PFKP: variants seen among roughly 807,000 people sequenced by gnomAD.
The protein encoded by PFKP is phosphofructokinase, platelet.
PFKP carries 101 observed loss-of-function variants against 94.3 expected under a neutral mutation model. The observed-to-expected ratio is 1.07, with a 90% CI of 0.91 to 1.26. PFKP has a LOEUF of 1.26. Ranked by LOEUF, PFKP falls within the 50% of genes most tolerant of loss-of-function variation. The probability of loss-of-function intolerance (pLI) is 0.00; values close to 1 mark genes in which losing one functional copy is unlikely to be tolerated. For synonymous variants in PFKP, 573 were observed against 432.6 expected, an observed-to-expected ratio of 1.32 and a Z score of -4.03; for missense variants, 1,145 against 1,103.3, an observed-to-expected ratio of 1.04 and a Z score of -0.53.
intron 2 of PFKP, among the ~76,000 whole-genome samples, chr10:3,098,986 C>T (rs973152005): frequency 2.6e-5 from 4 of 152,130 alleles, no homozygotes; most frequent in South Asian, 2.1e-4. Flanking sequence ...TAGCGAAACA[C>T]GACCCTTTCA....
intron 2 of PFKP, 148 bp downstream of exon 2, chr10:3,082,609 TC>T (rs1833176170): frequency 2.1e-6 from 1 of 487,214 alleles, no homozygotes; most frequent in East Asian, 3.3e-5. Context: ...CCAGGGCCGT[TC>T]CTCAGCCCAC....
At position 3,072,085 on chromosome 10, in the gene PFKP, C is replaced by T. The variant is rs543892413; in HGVS notation, c.112+4378C>T. ...GAATGCAAGTGTTTGCTGCCTGCCT[C>T]CTGCCTGGAATCTCCACTGAGGAGC... On this transcript the variant is annotated intron_variant, in intron 1 of 21. Coordinates refer to ENST00000381125, the MANE Select transcript of PFKP (RefSeq NM_002627.5). 2.0e-5 allele frequency among the ~76,000 whole-genome samples: 3 copies of T among 152,344 alleles called. No homozygotes were observed. In the East Asian group the frequency reaches 5.8e-4, roughly 29 times the overall value.
chr10:3,116,712 T>C, intron 13 of PFKP, 64 bp from the exon 14 acceptor site: 3 of 1,221,488 alleles, frequency 2.5e-6, no homozygotes, highest in Non-Finnish European at 3.7e-6. Context: ...AAGCTATTTT[T>C]AGCACTTTGC....
intron 5 of PFKP, among the ~76,000 whole-genome samples, chr10:3,104,489 C>T (rs1039441874): frequency 3.3e-5 from 5 of 152,316 alleles, no homozygotes; most frequent in South Asian, 2.1e-4. Context: ...ACGAGGTGCT[C>T]GAGACTGGGA....
At chr10:3,081,529 C>T (rs61835117) in intron 1 of PFKP, among the ~76,000 whole-genome samples, 34,689 of 152,180 alleles carry the variant, frequency 0.23, 4,390 homozygotes, top group East Asian at 0.35. Flanking sequence ...CCTTAAGCAG[C>T]AGCGCTGCAT....
chr10:3,096,531 C>T (rs542487797), intron 2 of PFKP, among the ~76,000 whole-genome samples: 3 of 152,252 alleles, frequency 2.0e-5, no homozygotes, highest in Admixed American at 1.3e-4. Context: ...GCAGTTCAGG[C>T]CCCATCATGG....
intron 1 of PFKP, among the ~76,000 whole-genome samples, chr10:3,076,201 A>T (rs1469107299): frequency 6.6e-6 from 1 of 152,144 alleles, no homozygotes; most frequent in Non-Finnish European, 1.5e-5. Context: ...TGTGGACGGG[A>T]CGCACGTGGC....
intron 16 of PFKP, chr10:3,125,179 C>T (rs539611230): frequency 9.6e-6 from 13 of 1,349,384 alleles, no homozygotes; most frequent in South Asian, 4.8e-5. Flanking sequence ...GTGCCGGCCA[C>T]GATTAGCAAC....
chr10:3,135,914 T>C, intron 21 of PFKP, 76 bp downstream of exon 21: 1 of 847,534 alleles, frequency 1.2e-6, no homozygotes, highest in Non-Finnish European at 2.0e-6. Context: ...TTGCTGTTGC[T>C]GTCGGCAACT....
At chr10:3,101,038 T>C in intron 3 of PFKP, 1 of 1,524,742 alleles carries the variant, frequency 6.6e-7, no homozygotes, top group Non-Finnish European at 9.1e-7. Context: ...TGCACCTGGT[T>C]GAGCTCGTTG....
At chr10:3,136,390 G>C (rs1839348183) in intron 21 of PFKP, 60 bp from the exon 22 acceptor site, 1 of 1,589,682 alleles carries the variant, frequency 6.3e-7, no homozygotes, top group Non-Finnish European at 8.6e-7. Context: ...TGCTGGCCAG[G>C]CGGAGGCATC....
At chr10:3,111,994 C>T (rs894441512) in intron 10 of PFKP, among the ~76,000 whole-genome samples, 1 of 152,206 alleles carries the variant, frequency 6.6e-6, no homozygotes, top group Non-Finnish European at 1.5e-5. Flanking sequence ...CTGAGCTAAG[C>T]AGTCCCAGGG....
chr10:3,128,423 G>A (rs558368482), intron 16 of PFKP, among the ~76,000 whole-genome samples: 1 of 152,210 alleles, frequency 6.6e-6, no homozygotes, highest in African/African-American at 2.4e-5. Context: ...ATTTTCCTCT[G>A]GATCAGAGCT....
intron 2 of PFKP, among the ~76,000 whole-genome samples, chr10:3,093,193 T>TA (rs1834193542): frequency 6.7e-6 from 1 of 148,456 alleles, no homozygotes; most frequent in Admixed American, 6.7e-5. Context: ...TGTGTCTGAT[T>TA]TTTTTTTTTT....
intron 10 of PFKP, among the ~76,000 whole-genome samples, chr10:3,110,418 G>A (rs941101103): frequency 2.9e-4 from 37 of 129,528 alleles, no homozygotes; most frequent in African/African-American, 9.1e-4. Flanking sequence ...GGGTTTCACC[G>A]TGTTAGCCAG....
chr10:3,086,031 A>G (rs1833564792), intron 2 of PFKP, among the ~76,000 whole-genome samples: 3 of 151,890 alleles, frequency 2.0e-5, no homozygotes, highest in Non-Finnish European at 4.4e-5. Context: ...ACTTTGGGAG[A>G]CAGTACCACA....
chr10:3,093,328 CTA>C (rs1241980772), intron 2 of PFKP, among the ~76,000 whole-genome samples: 1 of 152,154 alleles, frequency 6.6e-6, no homozygotes. Flanking sequence ...TTAAACATAA[CTA>C]TTTCTGCCCA....
chr10:3,113,499 A>G lies in PFKP; in HGVS notation c.1352A>G (p.Asp451Gly). The change falls in exon 13 of 22, where the codon GAC becomes GGC. Residue 451 changes from aspartate to glycine, a missense_variant. Asp to Gly is a moderately conservative substitution (Grantham distance 94, BLOSUM62 -1). Around this residue, in one of 3 missense-constraint regions of PFKP, gnomAD observed 1,119 missense variants for 1,062.8 expected, o/e 1.05. Coordinates refer to ENST00000381125, the MANE Select transcript of PFKP (RefSeq NM_002627.5). ...HRMLAIYDGF[D>G]GFAKGQIKEI... ...ATGCTCGCCATCTATGATGGCTTTG[A>G]CGGCTTCGCCAAGGGCCAGGTGAGT... 1.9e-6 allele frequency: 3 copies of G among 1,613,092 alleles called. No individual in the cohort carries two copies. Among genetic ancestry groups the G allele is most frequent in the Non-Finnish European group, 2.5e-6 (3 of 1,179,936 alleles).
intron 1 of PFKP, among the ~76,000 whole-genome samples, chr10:3,073,647 A>C (rs960817071): frequency 6.6e-6 from 1 of 150,522 alleles, no homozygotes; most frequent in African/African-American, 2.4e-5. Flanking sequence ...TTTGACAGAG[A>C]AGATTCATTA....
Sources: gnomAD v4.1 joint callset for allele counts (sites outside exome capture counted in the v4.1 genomes callset) on GRCh38, gnomAD v4.1.1 for gene constraint, gnomAD v4.1.1 regional missense constraint, MANE v1.5 for transcripts, NCBI Gene and HGNC (gene_info 2026-07-23, HGNC 2026-07-21) for gene names.